Variants in LOC400499 observed in about 807,000 individuals in gnomAD.
At chr16:11,450,765 G>C in the LOC400499 span, 30 of 1,536,002 alleles carry the variant, frequency 2.0e-5, no homozygotes, top group Middle Eastern at 1.7e-4. Context: ...GGTGTGGCCA[G>C]TATAGCCTGT....
At chr16:11,441,132 C>T in the LOC400499 span, 1 of 398,672 alleles carries the variant, frequency 2.5e-6, no homozygotes, top group Non-Finnish European at 4.4e-6. Context: ...CTCTATGTGC[C>T]TGCAGAAGCT....
chr16:11,382,941 T>TGATA, the LOC400499 span, among the ~76,000 whole-genome samples: 46,394 of 151,886 alleles, frequency 0.31, 7,794 homozygotes, highest in African/African-American at 0.43. Context: ...AGTTCATAAA[T>TGATA]GAGATAATTG....
At chr16:11,392,551 C>G in the LOC400499 span, 85 of 399,764 alleles carry the variant, frequency 2.1e-4, 1 homozygote, top group African/African-American at 1.2e-3. Context: ...CTCTGGCTGC[C>G]CACTCCCCCT....
chr16:11,513,426 AATTT>A, the LOC400499 span, among the ~76,000 whole-genome samples: 3 of 150,964 alleles, frequency 2.0e-5, no homozygotes, highest in Non-Finnish European at 2.9e-5. Flanking sequence ...AAAATTTAAA[AATTT>A]ATTTATTTAT....
chr16:11,382,037 A>G, the LOC400499 span, among the ~76,000 whole-genome samples: 1 of 151,942 alleles, frequency 6.6e-6, no homozygotes, highest in East Asian at 1.9e-4. Flanking sequence ...CCTGGGTTCA[A>G]GCGATTCTCC....
At chr16:11,417,992 GATGACCA>G in the LOC400499 span, among the ~76,000 whole-genome samples, 1 of 152,304 alleles carries the variant, frequency 6.6e-6, no homozygotes, top group South Asian at 2.1e-4. Context: ...GAGCAGGTTT[GATGACCA>G]ATGGGGTTAC....
At chr16:11,495,982 G>A in the LOC400499 span, among the ~76,000 whole-genome samples, 982 of 152,270 alleles carry the variant, frequency 6.4e-3, 10 homozygotes, top group African/African-American at 0.022. Context: ...GCTGTGAACA[G>A]GGGCCTCTGT....
At chr16:11,454,560 C>T in the LOC400499 span, among the ~76,000 whole-genome samples, 7 of 152,338 alleles carry the variant, frequency 4.6e-5, no homozygotes, top group African/African-American at 1.7e-4. Context: ...AGCCAAGGAA[C>T]ACCAAGCTTC....
chr16:11,463,587 G>A, the LOC400499 span, among the ~76,000 whole-genome samples: 1 of 152,046 alleles, frequency 6.6e-6, no homozygotes, highest in Admixed American at 6.5e-5. Flanking sequence ...TGTGTAAAGA[G>A]GTGTATATAT....
At chr16:11,471,034 G>A in the LOC400499 span, among the ~76,000 whole-genome samples, 1 of 152,250 alleles carries the variant, frequency 6.6e-6, no homozygotes, top group East Asian at 1.9e-4. Context: ...GGACTGCCAA[G>A]GGCCTGTGGG....
the LOC400499 span, chr16:11,459,928 A>C: frequency 2.7e-6 from 4 of 1,491,048 alleles, no homozygotes; most frequent in Non-Finnish European, 3.6e-6. Context: ...GCGGGCCCCG[A>C]GTCATTCTTG....
At chr16:11,472,131 T>C in the LOC400499 span, 1 of 262,486 alleles carries the variant, frequency 3.8e-6, no homozygotes. Flanking sequence ...TTTCTGCACA[T>C]ATTACCAAAT....
the LOC400499 span, chr16:11,440,635 C>A: frequency 2.8e-5 from 11 of 398,238 alleles, no homozygotes; most frequent in South Asian, 1.4e-3. Flanking sequence ...CTCCTGCCAC[C>A]TCCTCAGACA....
the LOC400499 span, among the ~76,000 whole-genome samples, chr16:11,373,479 G>A: frequency 5.9e-5 from 9 of 151,868 alleles, no homozygotes; most frequent in Non-Finnish European, 1.0e-4. Context: ...GATTACATGC[G>A]CCTGCCACCA....
At chr16:11,377,064 C>T in the LOC400499 span, among the ~76,000 whole-genome samples, 1 of 152,020 alleles carries the variant, frequency 6.6e-6, no homozygotes, top group African/African-American at 2.4e-5. Flanking sequence ...AGTGATCCTC[C>T]TGCCTCAGCC....
the LOC400499 span, among the ~76,000 whole-genome samples, chr16:11,414,807 A>G: frequency 6.6e-6 from 1 of 152,188 alleles, no homozygotes; most frequent in African/African-American, 2.4e-5. Flanking sequence ...GCCCATCTGA[A>G]GTCCCTCCCA....
the LOC400499 span, chr16:11,508,615 AT>A: frequency 2.0e-5 from 8 of 397,314 alleles, no homozygotes; most frequent in African/African-American, 1.6e-4. Flanking sequence ...CTGATATTAA[AT>A]ATCTGAGAGG....
At chr16:11,470,246 C>T in the LOC400499 span, among the ~76,000 whole-genome samples, 1 of 152,110 alleles carries the variant, frequency 6.6e-6, no homozygotes, top group African/African-American at 2.4e-5. Context: ...GTCCTTGTCC[C>T]CCAGCTTCTG....
the LOC400499 span, chr16:11,491,671 A>ACCCC: frequency 3.6e-6 from 1 of 275,526 alleles, no homozygotes; most frequent in Non-Finnish European, 6.6e-6. Flanking sequence ...CCCTGCCCAC[A>ACCCC]CCCCTCCCAC....
Sources: gnomAD v4.1 joint callset for allele counts (sites outside exome capture counted in the v4.1 genomes callset) on GRCh38, gnomAD v4.1.1 for gene constraint, MANE v1.5 for transcripts.